The following HDGFL2 variants were observed in gnomAD, a reference collection of about 807,000 sequenced individuals.
HDGFL2 encodes the protein hepatoma-derived growth factor-related protein 2.
HDGFL2 carries 36 observed loss-of-function variants against 77.1 expected under a neutral mutation model. The ratio of observed to expected loss-of-function variants is 0.47; its 90% confidence interval spans 0.36 to 0.62. The LOEUF (loss-of-function observed/expected upper bound fraction) is 0.62. Ranked by LOEUF, HDGFL2 falls within the 20% of genes least tolerant of loss-of-function variation. The pLI is 0.00. For missense variants in HDGFL2, 976 were observed against 973.4 expected, an observed-to-expected ratio of 1.00 and a Z score of -0.04; for synonymous variants, 463 against 413.1, an observed-to-expected ratio of 1.12 and a Z score of -1.46.
At chr19:4,489,775 A>G (rs1975460231) in intron 4 of HDGFL2, among the ~76,000 whole-genome samples, 1 of 152,184 alleles carries the variant, frequency 6.6e-6, no homozygotes, top group African/African-American at 2.4e-5. Context: ...ATACACCATG[A>G]GATTCATCCT....
intron 6 of HDGFL2, among the ~76,000 whole-genome samples, chr19:4,492,523 TGTGTCTGTGTGTG>T (rs1975544090): frequency 1.3e-5 from 2 of 152,016 alleles, no homozygotes; most frequent in East Asian, 1.9e-4. Flanking sequence ...TCTGTGTTTG[TGTGTCTGTGTGTG>T]GTGTCTGTGT....
In HDGFL2 at chr19:4,493,973, T is replaced by C. The variant is rs1389023975; in HGVS notation, c.839-9T>C. 3 of 1,606,238 alleles carry C rather than the reference T, an allele frequency of 1.9e-6. No homozygotes were observed. Among genetic ancestry groups the C allele is most frequent in the Non-Finnish European group, 2.5e-6 (3 of 1,176,832 alleles). On this transcript the variant is annotated splice_polypyrimidine_tract_variant and intron_variant, in intron 7 of 15. Transcript: ENST00000616600. ...AAGGGAAGGTCACCCCCTCCTCCTCTTCCTGTAGCGGAGAAGCCTCTCCCG... is the reference window on the plus strand; with the variant it reads ...AAGGGAAGGTCACCCCCTCCTCCTCCTCCTGTAGCGGAGAAGCCTCTCCCG...
At chr19:4,493,002 T>TA in intron 6 of HDGFL2, among the ~76,000 whole-genome samples, 1 of 127,944 alleles carries the variant, frequency 7.8e-6, no homozygotes. Flanking sequence ...GTGTGTGTGG[T>TA]TGTGTGTGGT....
In HDGFL2 at chr19:4,488,801, C is replaced by T. The variant is rs375310458; in HGVS notation, c.414C>T (p.Asp138=). The change falls in exon 4 of 16, where the codon GAC becomes GAT. Residue 138 remains aspartate, a synonymous_variant. Transcript: ENST00000616600. ...VTAVTATAAS[D]RMESDSDSDK... Reference sequence around the variant, plus strand: ...CGGTAACCGCCACAGCTGCCAGCGACAGGATGGAGAGCGACTCAGACTCAG... The same window carrying T: ...CGGTAACCGCCACAGCTGCCAGCGATAGGATGGAGAGCGACTCAGACTCAG... The T allele has an allele frequency of 1.2e-5, 19 of 1,551,796 alleles. No individual in the cohort carries two copies. The highest frequency in any genetic ancestry group is 3.3e-4 in the Middle Eastern group (2 of 6,016).
chr19:4,479,375 T>G (rs1481430344), intron 3 of HDGFL2, among the ~76,000 whole-genome samples: 4 of 147,532 alleles, frequency 2.7e-5, no homozygotes, highest in African/African-American at 1.0e-4. Context: ...CAAGGTCAGG[T>G]GATCGAGACC....
At chr19:4,501,839 C>A in intron 15 of HDGFL2, 72 bp from the exon 16 acceptor site, 1 of 1,190,532 alleles carries the variant, frequency 8.4e-7, no homozygotes, top group Non-Finnish European at 1.1e-6. Flanking sequence ...CGGTGCCCAT[C>A]CCACCCAACC....
rs974335741 is a variant in HDGFL2, at chr19:4,494,236, G to A, written c.985G>A (p.Ala329Thr). The A allele has an allele frequency of 4.8e-6, 7 of 1,463,254 alleles. No homozygotes were observed. The highest frequency in any genetic ancestry group is 6.3e-6 in the Non-Finnish European group (7 of 1,111,164). The allele number at this position is 1,463,254 out of a possible 1,614,324, so 90.6% of individuals were successfully genotyped here. A position where few individuals can be genotyped will look rare whatever the true frequency, so the allele number is the denominator to read the frequency against. ...CGAGGCGCGGAGGCGCGAGCTGGAG[G>A]CCCGGCGGCGGCGAGAGCAGGAGGA... is the stretch of plus-strand genomic sequence containing the variant. ...RDEARRRELE[A>T]RRRREQEEEL... is the part of the protein sequence containing the mutation. Residue 329 changes from alanine (A) to threonine (T), a missense_variant, in exon 9 of 16, where the codon GCC becomes ACC. Around this residue, in one of 5 missense-constraint regions of HDGFL2, gnomAD observed 567 missense variants for 534.7 expected, o/e 1.06. Transcript: ENST00000616600.
At chr19:4,482,317 C>T (rs1376253399) in intron 3 of HDGFL2, among the ~76,000 whole-genome samples, 3 of 151,934 alleles carry the variant, frequency 2.0e-5, no homozygotes, top group Non-Finnish European at 2.9e-5. Flanking sequence ...TCAAGTGATT[C>T]TCCTGTCTCA....
In HDGFL2 at chr19:4,475,337, T is replaced by C. The variant is rs1207791427; in HGVS notation, c.135T>C (p.Phe45=). Residue 45 remains phenylalanine, a synonymous_variant, in exon 2 of 16, where the codon TTT becomes TTC. Coordinates refer to ENST00000616600, the MANE Select transcript of HDGFL2 (RefSeq NM_001001520.3). The stretch of plus-strand genomic sequence containing the variant: ...CCAACAAGTACCCCATCTTTTTCTT[T>C]GGCACACACGAAACGTAAGTGTCCC... ...PPPNKYPIFF[F]GTHETAFLGP... is the part of the protein sequence containing the mutation. 6.2e-7 allele frequency: 1 copy of C among 1,614,096 alleles called. No homozygotes were observed. Among genetic ancestry groups the C allele is most frequent in the East Asian group, 2.2e-5 (1 of 44,862 alleles).
At chr19:4,475,679 G>T in intron 3 of HDGFL2, 96 bp downstream of exon 3, 1 of 1,417,250 alleles carries the variant, frequency 7.1e-7, no homozygotes, top group East Asian at 2.4e-5. Flanking sequence ...GTGGACACAT[G>T]GGGCTCGATC....
chr19:4,486,929 G>A (rs192812830), intron 3 of HDGFL2, among the ~76,000 whole-genome samples: 159 of 151,722 alleles, frequency 1.0e-3, no homozygotes, highest in African/African-American at 3.6e-3. Flanking sequence ...TCCTCCGAGG[G>A]GCCTCCTCGA....
Position 4,472,422 on chromosome 19 carries a change from G to A in HDGFL2, c.72G>A (p.Arg24=), listed in dbSNP as rs1258704812. 3 of 1,457,058 alleles carry A rather than the reference G, an allele frequency of 2.1e-6. No homozygotes were observed. The highest frequency in any genetic ancestry group is 2.6e-5 in the Admixed American group (1 of 37,752). The allele number at this position is 1,457,058 out of a possible 1,614,324, so 90.3% of individuals were successfully genotyped here. Residue 24 remains arginine (R), a splice_region_variant and synonymous_variant, in exon 1 of 16, where the codon AGG becomes AGA. Coordinates refer to ENST00000616600, the MANE Select transcript of HDGFL2 (RefSeq NM_001001520.3). ...KMKGYPHWPA[R]IDDIADGAVK... ...AGGGCTACCCTCACTGGCCTGCCAG[G>A]GTGAGGCCGCGCGGGAGATGGGGCC...
chr19:4,481,176 C>T (rs1375024394), intron 3 of HDGFL2, among the ~76,000 whole-genome samples: 7 of 145,572 alleles, frequency 4.8e-5, no homozygotes, highest in African/African-American at 1.5e-4. Flanking sequence ...CGTCCCCCAC[C>T]ACGCCTGGCT....
chr19:4,474,155 T>A (rs1483220381), intron 1 of HDGFL2, among the ~76,000 whole-genome samples: 1 of 151,872 alleles, frequency 6.6e-6, no homozygotes, highest in Non-Finnish European at 1.5e-5. Flanking sequence ...GTTGGTGGAA[T>A]TTGCCGGGCA....
At chr19:4,493,559 T>TGGGA in intron 6 of HDGFL2, 144 bp from the exon 7 acceptor site, 1 of 1,132,866 alleles carries the variant, frequency 8.8e-7, no homozygotes, top group Non-Finnish European at 1.1e-6. Context: ...GTTTTGTGGG[T>TGGGA]GGGAGGGGAT....
At position 4,475,596 on chromosome 19, in the gene HDGFL2, G is replaced by A. The variant is rs1975051606; in HGVS notation, c.288+13G>A. 6.4e-7 allele frequency: 1 copy of A among 1,564,116 alleles called. No homozygotes were observed. Among genetic ancestry groups the A allele is most frequent in the Non-Finnish European group, 8.6e-7 (1 of 1,161,824 alleles). On this transcript the variant is annotated intron_variant, in intron 3 of 15. Coordinates refer to ENST00000616600, the MANE Select transcript of HDGFL2 (RefSeq NM_001001520.3). ...CAGCGCCCCTCCGGTGAGTACCCGG[G>A]GTGGAGAGCCAGTGTGAAGCGCGCT... is the stretch of plus-strand genomic sequence containing the variant.
Position 4,502,185 on chromosome 19 carries a change from TA to T in HDGFL2, c.*178del, listed in dbSNP as rs35852038. On this transcript the variant is annotated 3_prime_UTR_variant, in exon 16 of 16. Transcript: ENST00000616600. ...ATTTCCAACCAACATGAAATGACTA[TA>T]AATGGTTTTTTAATGAAAAAAGAAA... The T allele has an allele frequency of 2.9e-6, 2 of 678,926 alleles. No individual in the cohort carries two copies. Among genetic ancestry groups the T allele is most frequent in the Non-Finnish European group, 5.3e-6 (2 of 380,738 alleles). The allele number at this position is 678,926 out of a possible 1,614,324, so 42.1% of individuals were successfully genotyped here.
Position 4,488,836 on chromosome 19 carries a change from G to C in HDGFL2, c.449G>C (p.Ser150Thr). 4 of 1,551,644 alleles carry C rather than the reference G, an allele frequency of 2.6e-6. No individual in the cohort carries two copies. Among genetic ancestry groups the C allele is most frequent in the Non-Finnish European group, 3.5e-6 (4 of 1,147,036 alleles). The change falls in exon 4 of 16, where the codon AGC becomes ACC. Residue 150 changes from serine to threonine, a missense_variant. By Grantham distance (58) the Ser-to-Thr change is moderately conservative. This residue lies in a region of HDGFL2 where 567 missense variants were observed against 534.7 expected (regional missense o/e 1.06). Coordinates refer to ENST00000616600, the MANE Select transcript of HDGFL2 (RefSeq NM_001001520.3). ...AGCGACTCAGACTCAGACAAGAGTAGCGACAACAGTGGCCTGAAGAGGAAG... is the reference window on the plus strand; with the variant it reads ...AGCGACTCAGACTCAGACAAGAGTACCGACAACAGTGGCCTGAAGAGGAAG... ...MESDSDSDKS[S>T]DNSGLKRKTP...
intron 14 of HDGFL2, 147 bp from the exon 15 acceptor site, chr19:4,501,044 T>G (rs1975860167): frequency 1.1e-6 from 1 of 894,456 alleles, no homozygotes; most frequent in African/African-American, 1.7e-5. Context: ...GCTTGCAGAC[T>G]GGACAGCAGG....
Sources: gnomAD v4.1 joint callset for allele counts (sites outside exome capture counted in the v4.1 genomes callset) on GRCh38, gnomAD v4.1.1 for gene constraint, gnomAD v4.1.1 regional missense constraint, MANE v1.5 for transcripts, NCBI Gene and HGNC (gene_info 2026-07-23, HGNC 2026-07-21) for gene names.